The following ELMO1 variants were observed in gnomAD, a reference collection of about 807,000 sequenced individuals.
The protein encoded by ELMO1 is engulfment and cell motility 1, also known as engulfment and cell motility protein 1.
Under a neutral mutation model 98.9 loss-of-function variants are expected in ELMO1, and 26 were observed. That is an observed-to-expected ratio of 0.26 (90% CI 0.19 to 0.36). The LOEUF (loss-of-function observed/expected upper bound fraction) is 0.36, where lower values mean the gene tolerates loss of function less well. Among genes scored for constraint, ELMO1 ranks in the 10% least tolerant of loss-of-function variants. ELMO1 has a pLI of 1.00. For synonymous variants in ELMO1, 346 were observed against 346.0 expected (o/e 1.00, Z 0.00); for missense variants, 627 against 935.2 (o/e 0.67, Z 4.30).
At chr7:36,871,583 C>G (rs1368863345) in intron 19 of ELMO1, among the ~76,000 whole-genome samples, 1 of 152,142 alleles carries the variant, frequency 6.6e-6, no homozygotes, top group Non-Finnish European at 1.5e-5. Context: ...GTGAGAATGC[C>G]AAGTAATCAA....
At chr7:37,225,072 T>C (rs376855049) in intron 8 of ELMO1, 42 bp from the exon 9 acceptor site, 5 of 1,611,620 alleles carry the variant, frequency 3.1e-6, no homozygotes, top group South Asian at 2.2e-5. Flanking sequence ...TCGTGGTAAG[T>C]AGAGCAGAGA....
At chr7:37,360,234 C>T (rs1397121743) in intron 1 of ELMO1, among the ~76,000 whole-genome samples, 1 of 152,114 alleles carries the variant, frequency 6.6e-6, no homozygotes, top group African/African-American at 2.4e-5. Flanking sequence ...TGACATCTTG[C>T]TCTGTCAGAG....
chr7:37,217,464 G>A (rs749452915), intron 10 of ELMO1, among the ~76,000 whole-genome samples: 16 of 151,584 alleles, frequency 1.1e-4, no homozygotes, highest in Middle Eastern at 6.8e-3. Flanking sequence ...ACACTTGACC[G>A]TTGTTTTGTG....
At chr7:37,176,118 A>T (rs1790485546) in intron 13 of ELMO1, among the ~76,000 whole-genome samples, 1 of 152,230 alleles carries the variant, frequency 6.6e-6, no homozygotes, top group Non-Finnish European at 1.5e-5. Context: ...TACTAGAGAT[A>T]ATAATTTCAG....
At chr7:36,968,766 A>G (rs1789662938) in intron 16 of ELMO1, among the ~76,000 whole-genome samples, 1 of 151,970 alleles carries the variant, frequency 6.6e-6, no homozygotes, top group South Asian at 2.1e-4. Flanking sequence ...ATTGCCTTGC[A>G]TTATCTTTCC....
chr7:37,212,752 G>A (rs1198244539), intron 12 of ELMO1, among the ~76,000 whole-genome samples: 1 of 152,164 alleles, frequency 6.6e-6, no homozygotes, highest in Admixed American at 6.5e-5. Context: ...CTACGGCAGG[G>A]CTCCCAGCTG....
At chr7:37,312,372 A>T (rs1299770587) in intron 4 of ELMO1, among the ~76,000 whole-genome samples, 4 of 152,240 alleles carry the variant, frequency 2.6e-5, no homozygotes, top group Non-Finnish European at 5.9e-5. Flanking sequence ...TACAGATGTG[A>T]ACCACGTGCC....
intron 4 of ELMO1, 41 bp downstream of exon 4, chr7:37,314,809 C>T: frequency 6.4e-7 from 1 of 1,556,526 alleles, no homozygotes; most frequent in Non-Finnish European, 8.8e-7. Context: ...ATTTACTTTC[C>T]TTCAATATGT....
chr7:37,066,807 T>C (rs1797004672), intron 15 of ELMO1, among the ~76,000 whole-genome samples: 1 of 152,200 alleles, frequency 6.6e-6, no homozygotes, highest in African/African-American at 2.4e-5. Context: ...AAAGAGAACA[T>C]TGGACTCAAG....
intron 15 of ELMO1, among the ~76,000 whole-genome samples, chr7:37,067,006 A>G (rs1426684000): frequency 6.6e-6 from 1 of 152,294 alleles, no homozygotes; most frequent in East Asian, 1.9e-4. Flanking sequence ...AGGACTTAGG[A>G]GTAAATTCTC....
chr7:36,904,386 A>C (rs1164795395), intron 16 of ELMO1, among the ~76,000 whole-genome samples: 1 of 152,216 alleles, frequency 6.6e-6, no homozygotes. Context: ...AATGGATGGC[A>C]GGGGATAGCG....
intron 1 of ELMO1, among the ~76,000 whole-genome samples, chr7:37,352,015 A>G (rs1437621599): frequency 6.6e-6 from 1 of 152,236 alleles, no homozygotes; most frequent in Admixed American, 6.5e-5. Flanking sequence ...TATAAATGCA[A>G]TGCAAAAATA....
At chr7:37,303,789 T>C (rs1798467171) in intron 4 of ELMO1, among the ~76,000 whole-genome samples, 1 of 152,200 alleles carries the variant, frequency 6.6e-6, no homozygotes, top group Non-Finnish European at 1.5e-5. Flanking sequence ...CATGGAATGA[T>C]CATGACCTCT....
At chr7:37,123,375 C>T (rs546908345) in intron 14 of ELMO1, among the ~76,000 whole-genome samples, 6 of 152,072 alleles carry the variant, frequency 3.9e-5, no homozygotes, top group Non-Finnish European at 8.8e-5. Context: ...ATCAACAAAA[C>T]TGATAGACCA....
chr7:37,079,651 A>G (rs979762294), intron 15 of ELMO1, among the ~76,000 whole-genome samples: 3 of 152,020 alleles, frequency 2.0e-5, no homozygotes, highest in South Asian at 2.1e-4. Flanking sequence ...CTAAAAATCA[A>G]TGGTCAGTTC....
chr7:37,027,426 T>C (rs748028903), intron 15 of ELMO1, among the ~76,000 whole-genome samples: 4 of 152,122 alleles, frequency 2.6e-5, no homozygotes, highest in Non-Finnish European at 5.9e-5. Flanking sequence ...TCAGCCTCTG[T>C]CATGATAAAC....
intron 19 of ELMO1, among the ~76,000 whole-genome samples, chr7:36,871,244 G>A (rs1803475455): frequency 6.6e-6 from 1 of 152,218 alleles, no homozygotes; most frequent in South Asian, 2.1e-4. Context: ...AAGATCAGGT[G>A]AAAGAGGCTG....
chr7:36,933,143 GTATCTT>G (rs1298760871), intron 16 of ELMO1, among the ~76,000 whole-genome samples: 4 of 152,186 alleles, frequency 2.6e-5, no homozygotes, highest in African/African-American at 9.6e-5. Context: ...GGGCTAGACA[GTATCTT>G]TATGTCACTC....
chr7:36,899,700 T>TTTTTTTTTTTTTTTTTTTTA (rs60221089), intron 16 of ELMO1, among the ~76,000 whole-genome samples: 3 of 143,542 alleles, frequency 2.1e-5, no homozygotes, highest in African/African-American at 8.0e-5. Flanking sequence ...TTTTTTTTTT[T>TTTTTTTTTTTTTTTTTTTTA]ACCACTCCTA....
Sources: allele counts gnomAD v4.1 joint callset (sites outside exome capture counted in the v4.1 genomes callset), GRCh38; gene constraint gnomAD v4.1.1; transcripts MANE v1.5; gene names NCBI Gene and HGNC (gene_info 2026-07-23, HGNC 2026-07-21).